CSMD1: variants seen among roughly 807,000 people sequenced by gnomAD.
CSMD1 encodes the protein CUB and sushi domain-containing protein 1.
In CSMD1, 213 loss-of-function variants were observed where a neutral mutation model predicts 417.5. That is an observed-to-expected ratio of 0.51 (90% CI 0.46 to 0.57). The LOEUF (loss-of-function observed/expected upper bound fraction) is 0.57. Ranked by LOEUF, CSMD1 falls within the 20% of genes least tolerant of loss-of-function variation. The pLI is 0.00. For synonymous variants in CSMD1, 2,862 were observed against 1,736.8 expected (o/e 1.65, Z -16.11); for missense variants, 6,923 against 4,529.7 (o/e 1.53, Z -15.17).
intron 1 of CSMD1, among the ~76,000 whole-genome samples, chr8:4,663,066 G>C (rs185948009): frequency 3.2e-4 from 49 of 152,280 alleles, no homozygotes; most frequent in Non-Finnish European, 4.4e-5. Flanking sequence ...TGACTGGAGA[G>C]AGTCAAGTAA....
intron 1 of CSMD1, among the ~76,000 whole-genome samples, chr8:4,723,445 T>A (rs905424491): frequency 1.3e-5 from 2 of 152,296 alleles, no homozygotes; most frequent in East Asian, 3.9e-4. Flanking sequence ...ATGTGAAATA[T>A]ACCTGATACT....
chr8:3,489,291 G>A (rs1014202697), intron 11 of CSMD1, among the ~76,000 whole-genome samples: 1 of 152,156 alleles, frequency 6.6e-6, no homozygotes, highest in African/African-American at 2.4e-5. Flanking sequence ...CCACACATCT[G>A]GTTAGGCAGA....
intron 3 of CSMD1, among the ~76,000 whole-genome samples, chr8:4,219,332 C>T (rs970480160): frequency 5.3e-5 from 8 of 152,232 alleles, no homozygotes; most frequent in Admixed American, 1.3e-4. Flanking sequence ...CATTCACTTT[C>T]GTAACTTGAG....
At chr8:4,788,602 G>A (rs888998221) in intron 1 of CSMD1, 4 of 1,068,766 alleles carry the variant, frequency 3.7e-6, no homozygotes, top group African/African-American at 1.6e-5. Context: ...CAATGCCATT[G>A]AAATTTTTAG....
rs370418944 is a variant in CSMD1, at chr8:4,473,801, G to A, written c.303-53736C>T. On this transcript the variant is annotated intron_variant, in intron 2 of 69. Transcript: ENST00000635120. ...CTTTTAACCTATTATCTTATAAAATGACAGAAAAATAGAGATAGAATTGTC... is the reference window on the plus strand; with the variant it reads ...CTTTTAACCTATTATCTTATAAAATAACAGAAAAATAGAGATAGAATTGTC... 9.2e-5 allele frequency among the ~76,000 whole-genome samples: 14 copies of A among 152,176 alleles called. No individual in the cohort carries two copies. In the East Asian group the frequency reaches 1.5e-3, roughly 17 times the overall value.
At chr8:4,420,685 G>C (rs1797200448) in intron 2 of CSMD1, among the ~76,000 whole-genome samples, 1 of 152,132 alleles carries the variant, frequency 6.6e-6, no homozygotes. Flanking sequence ...TAGGAAAAGT[G>C]AGTGAGATGG....
chr8:4,044,631 C>G (rs951791468), intron 3 of CSMD1, among the ~76,000 whole-genome samples: 1 of 152,192 alleles, frequency 6.6e-6, no homozygotes, highest in Non-Finnish European at 1.5e-5. Context: ...TAAGAAGAGA[C>G]ATAGCGCACC....
chr8:4,539,175 T>G (rs1797255368), intron 2 of CSMD1, among the ~76,000 whole-genome samples: 2 of 152,216 alleles, frequency 1.3e-5, no homozygotes, highest in South Asian at 4.1e-4. Context: ...ACACACAATT[T>G]GAATTATTTT....
intron 1 of CSMD1, among the ~76,000 whole-genome samples, chr8:4,737,888 A>C (rs924247359): frequency 3.3e-5 from 5 of 152,222 alleles, no homozygotes; most frequent in Admixed American, 1.3e-4. Flanking sequence ...AATCCCAGAT[A>C]ATAAGGAAAT....
At chr8:4,787,283 C>T (rs930138377) in intron 1 of CSMD1, 5 of 654,022 alleles carry the variant, frequency 7.6e-6, no homozygotes, top group African/African-American at 1.8e-5. Context: ...TTTTCTAGAG[C>T]TCTGCCTCAC....
intron 50 of CSMD1, among the ~76,000 whole-genome samples, chr8:3,039,524 T>C (rs1298913892): frequency 1.3e-5 from 2 of 150,328 alleles, no homozygotes; most frequent in Non-Finnish European, 3.0e-5. Flanking sequence ...CCTCCCTCCT[T>C]CGTTCCTTCC....
chr8:2,947,669 G>C (rs1346654646), intron 68 of CSMD1, among the ~76,000 whole-genome samples: 1 of 152,160 alleles, frequency 6.6e-6, no homozygotes, highest in Non-Finnish European at 1.5e-5. Flanking sequence ...GCTCACTGGG[G>C]TGTCCTTCAA....
At chr8:3,638,105 A>G (rs1441555265) in intron 7 of CSMD1, among the ~76,000 whole-genome samples, 1 of 152,152 alleles carries the variant, frequency 6.6e-6, no homozygotes, top group Non-Finnish European at 1.5e-5. Context: ...AGGAGCTCAG[A>G]TTTAAACCCA....
At chr8:3,407,387 C>CGATG (rs1473684867) in intron 14 of CSMD1, among the ~76,000 whole-genome samples, 2 of 138,876 alleles carry the variant, frequency 1.4e-5, no homozygotes, top group African/African-American at 5.4e-5. Context: ...ATTGATGGAA[C>CGATG]GATGGATGGA....
chr8:4,970,511 C>G lies in CSMD1; in HGVS notation c.85+23821G>C, dbSNP rs536755779. Among the ~76,000 whole-genome samples, 8 of 152,114 alleles carry G rather than the reference C, an allele frequency of 5.3e-5. No homozygotes were observed. The South Asian group carries it at 1.4e-3, about 28-fold the overall frequency. On this transcript the variant is annotated intron_variant, in intron 1 of 69. Transcript: ENST00000635120. ...CCCCATTCTCATGGAATAGAGGTTT[C>G]TTCTTAAACTATATGATATATTATG... is the stretch of plus-strand genomic sequence containing the variant.
intron 5 of CSMD1, among the ~76,000 whole-genome samples, chr8:3,849,580 C>T (rs899967417): frequency 2.0e-5 from 3 of 152,124 alleles, no homozygotes; most frequent in African/African-American, 7.2e-5. Flanking sequence ...TCAGCTAATG[C>T]TCCACATGGG....
chr8:3,998,136 G>T, intron 4 of CSMD1, 26 bp from the exon 5 acceptor site: 1 of 1,537,238 alleles, frequency 6.5e-7, no homozygotes, highest in Non-Finnish European at 8.8e-7. Flanking sequence ...CAGAAAGAAA[G>T]CATCACATTT....
At chr8:4,078,963 C>A (rs1284171012) in intron 3 of CSMD1, among the ~76,000 whole-genome samples, 2 of 138,952 alleles carry the variant, frequency 1.4e-5, no homozygotes, top group Non-Finnish European at 3.0e-5. Context: ...AAGCTATCTT[C>A]TCTTCACTTT....
chr8:3,306,663 CAGAA>C (rs72431403), intron 25 of CSMD1, among the ~76,000 whole-genome samples: 9,117 of 152,096 alleles, frequency 0.06, 873 homozygotes, highest in African/African-American at 0.2. Context: ...AACAATGAAA[CAGAA>C]AGGTTAATTG....
Sources: gnomAD v4.1 joint callset for allele counts (sites outside exome capture counted in the v4.1 genomes callset) on GRCh38, gnomAD v4.1.1 for gene constraint, MANE v1.5 for transcripts, NCBI Gene and HGNC (gene_info 2026-07-23, HGNC 2026-07-21) for gene names.